CUX1: variants seen among roughly 807,000 people sequenced by gnomAD.
CUX1 encodes the protein protein CASP.
Under a neutral mutation model 158.8 loss-of-function variants are expected in CUX1, and 31 were observed. That is an observed-to-expected ratio of 0.20 (90% confidence interval 0.15 to 0.26). The LOEUF is 0.26. Among genes scored for constraint, CUX1 ranks in the 10% least tolerant of loss-of-function variants. CUX1 has a pLI of 1.00. For missense variants in CUX1, 1,589 were observed against 2,014.6 expected (o/e 0.79, Z 4.04); for synonymous variants, 879 against 862.1 (o/e 1.02, Z -0.34).
chr7:101,986,450 C>G (rs1043563660), intron 2 of CUX1, among the ~76,000 whole-genome samples: 1 of 152,236 alleles, frequency 6.6e-6, no homozygotes, highest in African/African-American at 2.4e-5. Context: ...TCTCATGACT[C>G]ACTTAAGAGA....
At chr7:101,820,915 C>T (rs928834918) in intron 1 of CUX1, among the ~76,000 whole-genome samples, 2 of 152,112 alleles carry the variant, frequency 1.3e-5, no homozygotes, top group Non-Finnish European at 2.9e-5. Context: ...TTCGTTTTGT[C>T]GAAGCTATTT....
rs554956891 is a variant in CUX1, at chr7:101,993,187, C to T, written c.142-34911C>T. Reference sequence around the variant, plus strand: ...TCTACTAAAAAATACAAAAGTTAGCCGGGTGTGTGGTGGGTACCAGTAATC... The same window carrying T: ...TCTACTAAAAAATACAAAAGTTAGCTGGGTGTGTGGTGGGTACCAGTAATC... On this transcript the variant is annotated intron_variant, in intron 2 of 23. Coordinates refer to ENST00000292535, the MANE Select transcript of CUX1 (RefSeq NM_181552.4). Among the ~76,000 whole-genome samples, 115 of 152,160 alleles carry T rather than the reference C, an allele frequency of 7.6e-4. No homozygotes were observed. In the Middle Eastern group the frequency reaches 0.01, roughly 14 times the overall value.
intron 11 of CUX1, among the ~76,000 whole-genome samples, chr7:102,183,360 T>C (rs1217034833): frequency 5.3e-5 from 8 of 151,724 alleles, no homozygotes; most frequent in African/African-American, 1.9e-4. Context: ...TGGTGGCACA[T>C]GCCCGTTGTC....
At chr7:102,143,777 GT>G (rs1217434563) in intron 8 of CUX1, among the ~76,000 whole-genome samples, 3 of 151,148 alleles carry the variant, frequency 2.0e-5, no homozygotes, top group African/African-American at 7.3e-5. Flanking sequence ...TTCTTCTTTT[GT>G]TTTTTTGTTT....
chr7:101,996,927 T>A (rs1176645594), intron 2 of CUX1, among the ~76,000 whole-genome samples: 2 of 151,924 alleles, frequency 1.3e-5, no homozygotes, highest in Non-Finnish European at 2.9e-5. Flanking sequence ...GTTAGGAAAT[T>A]CCGGCACAGT....
chr7:101,816,495 A>G (rs1791803068), upstream of CUX1, among the ~76,000 whole-genome samples: 1 of 130,404 alleles, frequency 7.7e-6, no homozygotes, highest in African/African-American at 2.8e-5. Flanking sequence ...TGCGCGCGCG[A>G]GCGGGGAGCG....
chr7:101,928,615 C>T (rs1197313296), intron 2 of CUX1, among the ~76,000 whole-genome samples: 7 of 150,778 alleles, frequency 4.6e-5, no homozygotes, highest in Non-Finnish European at 8.8e-5. Flanking sequence ...CTGCCCGCCT[C>T]GGCCTCCCAA....
intron 14 of CUX1, among the ~76,000 whole-genome samples, chr7:102,263,615 C>T (rs1459591155): frequency 6.6e-6 from 1 of 151,898 alleles, no homozygotes; most frequent in Non-Finnish European, 1.5e-5. Flanking sequence ...TGCGCCCAGC[C>T]GAAAGGGGTT....
intron 2 of CUX1, among the ~76,000 whole-genome samples, chr7:101,941,156 A>T (rs560064220): frequency 3.3e-5 from 5 of 152,188 alleles, no homozygotes; most frequent in Non-Finnish European, 7.3e-5. Flanking sequence ...GTTCCCGTCA[A>T]CCTGAGCCCT....
intron 7 of CUX1, among the ~76,000 whole-genome samples, chr7:102,113,320 C>A (rs1213952983): frequency 1.3e-5 from 2 of 152,082 alleles, no homozygotes; most frequent in Admixed American, 1.3e-4. Flanking sequence ...CTCACTGCAA[C>A]CTCTGCTCCC....
intron 2 of CUX1, among the ~76,000 whole-genome samples, chr7:101,987,126 A>AG (rs1814413434): frequency 1.3e-5 from 2 of 152,096 alleles, no homozygotes; most frequent in Non-Finnish European, 2.9e-5. Flanking sequence ...GGAATGAGGC[A>AG]CCTGCATGGG....
At chr7:101,858,486 A>T (rs1797115820) in intron 1 of CUX1, among the ~76,000 whole-genome samples, 1 of 152,060 alleles carries the variant, frequency 6.6e-6, no homozygotes. Flanking sequence ...TCCCCTACTT[A>T]TAAAACCTGT....
At chr7:102,172,430 A>T (rs1791832423) in intron 10 of CUX1, among the ~76,000 whole-genome samples, 1 of 151,148 alleles carries the variant, frequency 6.6e-6, no homozygotes, top group South Asian at 2.1e-4. Context: ...GGCTCGCTGT[A>T]GCCTTGACCT....
In CUX1 at chr7:102,256,275, G is replaced by A. The variant is rs140776685; in HGVS notation, c.*7233G>A. The A allele has an allele frequency of 4.6e-4, 455 of 985,384 alleles. 4 individuals carry two copies. In the African/African-American group the frequency reaches 7.2e-3, roughly 16 times the overall value. The allele number at this position is 985,384 out of a possible 1,614,324, so 61.0% of individuals were successfully genotyped here. A position where few individuals can be genotyped will look rare whatever the true frequency, so the allele number is the denominator to read the frequency against. Reference sequence around the variant, plus strand: ...ATGGACTGACTGCTACTGACCTGCCGGCGTGCGTGAGGGTGATTATAAAAG... The same window carrying A: ...ATGGACTGACTGCTACTGACCTGCCAGCGTGCGTGAGGGTGATTATAAAAG... On this transcript the variant is annotated 3_prime_UTR_variant, in exon 24 of 24. Transcript: ENST00000292535.
chr7:102,228,041 C>T (rs940381938), intron 21 of CUX1, among the ~76,000 whole-genome samples: 2 of 149,816 alleles, frequency 1.3e-5, no homozygotes, highest in African/African-American at 2.5e-5. Context: ...ACCTCTGCCT[C>T]CCCGGTTCAA....
At chr7:101,853,587 GTGTGTGTGT>G (rs1796500285) in intron 1 of CUX1, among the ~76,000 whole-genome samples, 4 of 69,710 alleles carry the variant, frequency 5.7e-5, no homozygotes, top group African/African-American at 1.6e-4. Flanking sequence ...TAGAAAGGGT[GTGTGTGTGT>G]GTGTGTGTGT....
Position 102,253,857 on chromosome 7 carries a change from C to T in CUX1, c.*4815C>T, listed in dbSNP as rs374607800. 1.5e-4 allele frequency: 145 copies of T among 985,860 alleles called. No individual in the cohort carries two copies. The Middle Eastern group carries it at 8.3e-3, about 57-fold the overall frequency. The allele number at this position is 985,860 out of a possible 1,614,324, so 61.1% of individuals were successfully genotyped here. A position where few individuals can be genotyped will look rare whatever the true frequency, so the allele number is the denominator to read the frequency against. On this transcript the variant is annotated 3_prime_UTR_variant, in exon 24 of 24. Coordinates refer to ENST00000292535, the MANE Select transcript of CUX1 (RefSeq NM_181552.4). ...GGTACTTTAGGCTGGAGGTTTGGCT[C>T]CTGTGCTGCCGGTGGGGGGCCCTGT...
chr7:102,057,178 G>A (rs779912307), intron 3 of CUX1, among the ~76,000 whole-genome samples: 29 of 152,188 alleles, frequency 1.9e-4, no homozygotes, highest in Non-Finnish European at 3.4e-4. Context: ...TGGGATTACA[G>A]GCATGAGCCA....
At chr7:102,046,569 A>T (rs1427495927) in intron 3 of CUX1, among the ~76,000 whole-genome samples, 18 of 55,472 alleles carry the variant, frequency 3.2e-4, no homozygotes, top group African/African-American at 4.1e-4. Flanking sequence ...TTTGGTTTGG[A>T]TTTTTTTTTT....
Sources: gnomAD v4.1 joint callset for allele counts (sites outside exome capture counted in the v4.1 genomes callset) on GRCh38, gnomAD v4.1.1 for gene constraint, MANE v1.5 for transcripts, NCBI Gene and HGNC (gene_info 2026-07-23, HGNC 2026-07-21) for gene names.